SPTLC1: variants seen among roughly 807,000 people sequenced by gnomAD.
The protein encoded by SPTLC1 is serine palmitoyltransferase long chain base subunit 1, also known as serine palmitoyltransferase 1.
Under a neutral mutation model 68.9 loss-of-function variants are expected in SPTLC1, and 55 were observed. The ratio of observed to expected loss-of-function variants is 0.80; its 90% CI spans 0.64 to 1.00. The LOEUF (loss-of-function observed/expected upper bound fraction) is 1.00, where lower values mean the gene tolerates loss of function less well. Among genes scored for constraint, SPTLC1 ranks in the 50% least tolerant of loss-of-function variants. The probability of loss-of-function intolerance (pLI) is 0.00; values close to 1 mark genes in which losing one functional copy is unlikely to be tolerated. For missense variants in SPTLC1, 449 were observed against 573.1 expected (o/e 0.78, Z 2.21); for synonymous variants, 197 against 201.6 (o/e 0.98, Z 0.19).
intron 3 of SPTLC1, among the ~76,000 whole-genome samples, chr9:92,105,973 T>C (rs1041179907): frequency 5.9e-5 from 9 of 151,286 alleles, no homozygotes; most frequent in African/African-American, 2.2e-4. Flanking sequence ...CCGTCCCATC[T>C]GGGAAGTGAG....
chr9:92,079,626 CTCCACTTTCT>C lies in SPTLC1; in HGVS notation c.427+380_427+389del. The C allele has an allele frequency of 1.4e-6, 2 of 1,436,400 alleles. 1 individual carries two copies. 89.0% of individuals were successfully genotyped at this position (1,436,400 alleles called of 1,614,324 possible). On this transcript the variant is annotated intron_variant, in intron 5 of 14. Transcript: ENST00000262554. Reference sequence around the variant, plus strand: ...CTCCCTCCACCCCAGGCAATCTGCTCTCCACTTTCTTCCTAGAGCTGTTTCTCAGCCCCCT... The same window carrying C: ...CTCCCTCCACCCCAGGCAATCTGCTCTCCTAGAGCTGTTTCTCAGCCCCCT...
intron 6 of SPTLC1, among the ~76,000 whole-genome samples, chr9:92,060,579 G>A (rs1834055108): frequency 6.6e-6 from 1 of 152,138 alleles, no homozygotes; most frequent in African/African-American, 2.4e-5. Flanking sequence ...TGGAGGCAGA[G>A]GAAGGATCAG....
At chr9:92,079,621 C>A in intron 5 of SPTLC1, 1 of 1,455,086 alleles carries the variant, frequency 6.9e-7, no homozygotes, top group Non-Finnish European at 9.7e-7. Flanking sequence ...CCCAGGCAAT[C>A]TGCTCTCCAC....
intron 5 of SPTLC1, among the ~76,000 whole-genome samples, chr9:92,072,983 T>G (rs1834552079): frequency 6.7e-6 from 1 of 148,926 alleles, no homozygotes; most frequent in Non-Finnish European, 1.5e-5. Context: ...AACCTGGCCC[T>G]AATTCCCCCT....
At chr9:92,107,492 C>G (rs1836041441) in intron 3 of SPTLC1, among the ~76,000 whole-genome samples, 1 of 152,222 alleles carries the variant, frequency 6.6e-6, no homozygotes, top group Non-Finnish European at 1.5e-5. Context: ...GCGGCTCACG[C>G]CTGTAATCCC....
chr9:92,079,527 T>C, intron 5 of SPTLC1: 4 of 1,613,928 alleles, frequency 2.5e-6, no homozygotes, highest in Non-Finnish European at 3.4e-6. Flanking sequence ...GTTCCCGGAT[T>C]ATCCATACAC....
At chr9:92,043,235 A>G (rs1361531179) in intron 12 of SPTLC1, among the ~76,000 whole-genome samples, 1 of 151,708 alleles carries the variant, frequency 6.6e-6, no homozygotes, top group East Asian at 1.9e-4. Flanking sequence ...TACATAAGCA[A>G]TTTCTTCCCT....
intron 5 of SPTLC1, among the ~76,000 whole-genome samples, chr9:92,072,850 A>G (rs898690720): frequency 2.0e-5 from 3 of 151,838 alleles, no homozygotes; most frequent in Admixed American, 1.3e-4. Context: ...TCTGCTCCCA[A>G]TGTGGTCCAT....
chr9:92,088,256 T>A (rs1237343038), intron 3 of SPTLC1, among the ~76,000 whole-genome samples: 1 of 152,272 alleles, frequency 6.6e-6, no homozygotes, highest in Non-Finnish European at 1.5e-5. Flanking sequence ...GCACCCACTG[T>A]CCTGCGCCCA....
intron 6 of SPTLC1, among the ~76,000 whole-genome samples, chr9:92,061,734 A>C (rs1468151012): frequency 6.6e-6 from 1 of 152,228 alleles, no homozygotes; most frequent in East Asian, 1.9e-4. Flanking sequence ...CAAATAAAGG[A>C]ATGTAAAGGA....
chr9:92,084,627 G>A (rs1368348424), intron 3 of SPTLC1, among the ~76,000 whole-genome samples: 1 of 152,052 alleles, frequency 6.6e-6, no homozygotes, highest in Admixed American at 6.5e-5. Flanking sequence ...TTGATGTGCT[G>A]CTGGATTCGG....
Position 92,106,531 on chromosome 9 carries a change from C to G in SPTLC1, c.260+2209G>C, listed in dbSNP as rs567103453. ...AACTGCAGTGGCACCCAGCCTGCCC[C>G]TGCTGTCTCCACACCTGCTGAGACT... On this transcript the variant is annotated intron_variant, in intron 3 of 14. Coordinates refer to ENST00000262554, the MANE Select transcript of SPTLC1 (RefSeq NM_006415.4). 1.4e-4 allele frequency among the ~76,000 whole-genome samples: 21 copies of G among 151,978 alleles called. No individual in the cohort carries two copies. In the South Asian group the frequency reaches 3.8e-3, roughly 27 times the overall value.
chr9:92,038,490 G>A (rs1461665267), intron 12 of SPTLC1, 125 bp from the exon 13 acceptor site: 1 of 760,680 alleles, frequency 1.3e-6, no homozygotes, highest in African/African-American at 1.7e-5. Context: ...TGCGACTGAT[G>A]GGAAGCATCA....
At chr9:92,087,963 T>C (rs1835215078) in intron 3 of SPTLC1, among the ~76,000 whole-genome samples, 1 of 152,220 alleles carries the variant, frequency 6.6e-6, no homozygotes, top group Non-Finnish European at 1.5e-5. Flanking sequence ...GGCGCCCCTC[T>C]CCCGGCCTCG....
At chr9:92,036,588 AG>A (rs1564079992) in intron 13 of SPTLC1, among the ~76,000 whole-genome samples, 1 of 152,222 alleles carries the variant, frequency 6.6e-6, no homozygotes, top group African/African-American at 2.4e-5. Flanking sequence ...ACCCAACACC[AG>A]CGCATGCAGC....
intron 2 of SPTLC1, chr9:92,110,841 T>C (rs1433572656): frequency 6.6e-6 from 1 of 152,210 alleles, no homozygotes; most frequent in Non-Finnish European, 1.5e-5. Flanking sequence ...GCCTAGACTA[T>C]GTACAAAATC....
chr9:92,080,788 G>A (rs1359742589), intron 4 of SPTLC1, 82 bp downstream of exon 4: 17 of 1,145,802 alleles, frequency 1.5e-5, no homozygotes, highest in East Asian at 2.4e-5. Context: ...GATCCACCAC[G>A]CCCAGCCTGC....
At chr9:92,102,073 A>G (rs958662344) in intron 3 of SPTLC1, among the ~76,000 whole-genome samples, 2 of 152,240 alleles carry the variant, frequency 1.3e-5, no homozygotes, top group Non-Finnish European at 2.9e-5. Context: ...GCAAGTCTCC[A>G]TTAGACTATC....
At chr9:92,060,755 A>G (rs935140351) in intron 6 of SPTLC1, among the ~76,000 whole-genome samples, 1 of 151,524 alleles carries the variant, frequency 6.6e-6, no homozygotes, top group African/African-American at 2.4e-5. Flanking sequence ...AAAAAAAAAA[A>G]AAAAAAAATT....
Sources: gnomAD v4.1 joint callset for allele counts (sites outside exome capture counted in the v4.1 genomes callset) on GRCh38, gnomAD v4.1.1 for gene constraint, MANE v1.5 for transcripts, NCBI Gene and HGNC (gene_info 2026-07-23, HGNC 2026-07-21) for gene names.